The following UNC13B variants were observed in gnomAD, a reference collection of about 807,000 sequenced individuals.
UNC13B encodes the protein unc-13 homolog B.
In UNC13B, 144 loss-of-function variants were observed where a neutral mutation model predicts 211.0. The observed-to-expected ratio is 0.68, with a 90% CI of 0.60 to 0.78. UNC13B has a LOEUF of 0.78. UNC13B is among the 30% of genes least tolerant of loss of function. UNC13B has a pLI of 0.00. For missense variants in UNC13B, 1,777 were observed against 2,002.0 expected (o/e 0.89, Z 2.14); for synonymous variants, 709 against 725.8 (o/e 0.98, Z 0.37).
chr9:35,292,358 T>C (rs1320307689), intron 7 of UNC13B, among the ~76,000 whole-genome samples: 2 of 152,216 alleles, frequency 1.3e-5, no homozygotes. Context: ...ATTTCCTCTA[T>C]GTCTTTTTAT....
chr9:35,239,741 T>C (rs1825706284), intron 5 of UNC13B, among the ~76,000 whole-genome samples: 1 of 152,138 alleles, frequency 6.6e-6, no homozygotes, highest in Non-Finnish European at 1.5e-5. Context: ...GGACACATTC[T>C]CTTTCTCAGG....
At chr9:35,389,260 T>C (rs534629211) in intron 24 of UNC13B, among the ~76,000 whole-genome samples, 20 of 152,308 alleles carry the variant, frequency 1.3e-4, no homozygotes, top group African/African-American at 4.8e-4. Context: ...CCCTATCTTA[T>C]CTAGTTAGGC....
intron 8 of UNC13B, among the ~76,000 whole-genome samples, chr9:35,299,308 A>G (rs1829556492): frequency 6.6e-6 from 1 of 152,210 alleles, no homozygotes; most frequent in African/African-American, 2.4e-5. Flanking sequence ...GCTGATAGTA[A>G]AAAATGGTTT....
At chr9:35,228,112 A>C in intron 2 of UNC13B, 68 bp downstream of exon 2, 1 of 1,369,704 alleles carries the variant, frequency 7.3e-7, no homozygotes, top group Non-Finnish European at 1.0e-6. Flanking sequence ...ATTTAAAAAA[A>C]TTATTAATTC....
chr9:35,395,100 A>G (rs938826527), intron 26 of UNC13B, among the ~76,000 whole-genome samples: 1 of 151,856 alleles, frequency 6.6e-6, no homozygotes, highest in African/African-American at 2.4e-5. Flanking sequence ...GGTGGAGGAG[A>G]GGGGCTCTCT....
chr9:35,286,448 G>A (rs939545424), intron 7 of UNC13B, among the ~76,000 whole-genome samples: 2 of 151,876 alleles, frequency 1.3e-5, no homozygotes, highest in Non-Finnish European at 1.5e-5. Context: ...GGCCAGGCTG[G>A]TCTCGAACTC....
chr9:35,253,905 A>T (rs1251391659), intron 6 of UNC13B, among the ~76,000 whole-genome samples: 2 of 152,204 alleles, frequency 1.3e-5, no homozygotes, highest in Admixed American at 1.3e-4. Flanking sequence ...TGATTGTGCC[A>T]ATTTACATTT....
At chr9:35,190,405 C>T (rs1267434985) in intron 1 of UNC13B, among the ~76,000 whole-genome samples, 4 of 152,198 alleles carry the variant, frequency 2.6e-5, no homozygotes, top group Non-Finnish European at 5.9e-5. Flanking sequence ...CCAAAGCTCT[C>T]TCATAATGTG....
chr9:35,388,017 G>C (rs1441649178), intron 24 of UNC13B, among the ~76,000 whole-genome samples: 1 of 152,234 alleles, frequency 6.6e-6, no homozygotes, highest in East Asian at 1.9e-4. Context: ...GAAGGAGTAG[G>C]AATTAACTAA....
At chr9:35,162,422 G>A in intron 1 of UNC13B, 117 bp downstream of exon 1, 1 of 1,315,080 alleles carries the variant, frequency 7.6e-7, no homozygotes, top group East Asian at 2.8e-5. Context: ...GTGCTTTGGG[G>A]GTCTATTATT....
rs553738836 is a variant in UNC13B, at chr9:35,339,995, C to T, written c.9414+26006C>T. Among the ~76,000 whole-genome samples, 3 of 152,334 alleles carry T rather than the reference C, an allele frequency of 2.0e-5. No individual in the cohort carries two copies. In the East Asian group the frequency reaches 5.8e-4, roughly 29 times the overall value. On this transcript the variant is annotated intron_variant, in intron 11 of 39. Coordinates refer to ENST00000635942, the MANE Select transcript of UNC13B (RefSeq NM_001371189.2). ...ATAGTGACAGCCACTGTTCTGGGCTCTTTATGAGTGGCTGCAGATTTGGGG... is the reference window on the plus strand; with the variant it reads ...ATAGTGACAGCCACTGTTCTGGGCTTTTTATGAGTGGCTGCAGATTTGGGG...
At chr9:35,262,995 TG>T (rs373470037) in intron 7 of UNC13B, among the ~76,000 whole-genome samples, 7 of 152,290 alleles carry the variant, frequency 4.6e-5, no homozygotes, top group Non-Finnish European at 1.0e-4. Context: ...TTTATGATAT[TG>T]ATCTTTTTTT....
chr9:35,279,648 C>T (rs1587529859), intron 7 of UNC13B, among the ~76,000 whole-genome samples: 1 of 152,156 alleles, frequency 6.6e-6, no homozygotes, highest in Non-Finnish European at 1.5e-5. Context: ...TAATTTTATA[C>T]ATGTGTGAAT....
Position 35,231,205 on chromosome 9 carries a change from A to G in UNC13B, c.138A>G (p.Glu46=). 6.2e-7 allele frequency: 1 copy of G among 1,611,914 alleles called. No individual in the cohort carries two copies. Among genetic ancestry groups the G allele is most frequent in the South Asian group, 1.1e-5 (1 of 90,988 alleles). ...VAVRGDQPSW[E]QDFMFEISRL... ...TTCGTGGTGATCAGCCTTCCTGGGA[A>G]CAGGATTTCATGTTGTAAGTATTTT... The change falls in exon 3 of 40, where the codon GAA becomes GAG. Residue 46 remains glutamate, a synonymous_variant. Transcript: ENST00000635942.
intron 30 of UNC13B, 131 bp from the exon 31 acceptor site, chr9:35,398,080 C>A: frequency 1.4e-6 from 1 of 738,638 alleles, no homozygotes; most frequent in Non-Finnish European, 2.2e-6. Flanking sequence ...GGCCCCAGCT[C>A]TTAGTGCTGA....
At chr9:35,330,347 T>G (rs1831298434) in intron 11 of UNC13B, among the ~76,000 whole-genome samples, 1 of 152,268 alleles carries the variant, frequency 6.6e-6, no homozygotes, top group Non-Finnish European at 1.5e-5. Flanking sequence ...AGGTCATTGC[T>G]GACCATGGCT....
rs538987094 is a variant in UNC13B at position 35,222,585 on chromosome 9, A to G, written c.23-5430A>G. 2.6e-5 allele frequency among the ~76,000 whole-genome samples: 4 copies of G among 152,318 alleles called. No individual in the cohort carries two copies. The South Asian group carries it at 8.3e-4, about 32-fold the overall frequency. On this transcript the variant is annotated intron_variant, in intron 1 of 39. Coordinates refer to ENST00000635942, the MANE Select transcript of UNC13B (RefSeq NM_001371189.2). The stretch of plus-strand genomic sequence containing the variant: ...GATGGGAAGGCCATTTTTTGGATAC[A>G]TAATAACTGTACGTATTTATGAGGT...
At position 35,304,924 on chromosome 9, in the gene UNC13B, A is replaced by G. The variant is rs1161565391; in HGVS notation, c.5520A>G (p.Glu1840=). The part of the protein sequence containing the change: ...HPELIKNIRQ[E]FSLNKNNHVK... ...AATTGATCAAAAATATAAGGCAAGA[A>G]TTCTCTTTAAATAAAAACAACCATG... The change falls in exon 9 of 40, where the codon GAA becomes GAG. Residue 1840 remains glutamate (E), a synonymous_variant. Coordinates refer to ENST00000635942, the MANE Select transcript of UNC13B (RefSeq NM_001371189.2). The G allele has an allele frequency of 2.5e-6, 1 of 398,848 alleles. No individual in the cohort carries two copies. The highest frequency in any genetic ancestry group is 4.4e-6 in the Non-Finnish European group (1 of 226,004). The allele number at this position is 398,848 out of a possible 1,614,324, so 24.7% of individuals were successfully genotyped here. A position where few individuals can be genotyped will look rare whatever the true frequency, so the allele number is the denominator to read the frequency against.
rs574235445 is a variant in UNC13B at position 35,176,881 on chromosome 9, AAGG to A, written c.22+14579_22+14581del. Among the ~76,000 whole-genome samples the A allele has an allele frequency of 7.4e-4, 112 of 152,268 alleles. 2 individuals carry two copies. The highest frequency in any genetic ancestry group is 2.5e-3 in the African/African-American group (105 of 41,560). On this transcript the variant is annotated intron_variant, in intron 1 of 39. Coordinates refer to ENST00000635942, the MANE Select transcript of UNC13B (RefSeq NM_001371189.2). The stretch of plus-strand genomic sequence containing the variant: ...TAGAAGAAGAGGACACTATCGAGAG[AAGG>A]AGAAGAATATTCTAGGCAGAGGAAA...
Sources: allele counts gnomAD v4.1 joint callset (sites outside exome capture counted in the v4.1 genomes callset), GRCh38; gene constraint gnomAD v4.1.1; transcripts MANE v1.5; gene names NCBI Gene and HGNC (gene_info 2026-07-23, HGNC 2026-07-21).